The following HIVEP1 variants were observed in gnomAD, a reference collection of about 807,000 sequenced individuals.
The protein encoded by HIVEP1 is zinc finger protein 40.
HIVEP1 carries 36 observed loss-of-function variants against 180.0 expected under a neutral mutation model. The observed-to-expected ratio is 0.20, with a 90% confidence interval of 0.15 to 0.26. The LOEUF is 0.26. Ranked by LOEUF, HIVEP1 falls within the 10% of genes least tolerant of loss-of-function variation. HIVEP1 has a pLI of 1.00. For missense variants in HIVEP1, 3,143 were observed against 3,268.7 expected (o/e 0.96, Z 0.94); for synonymous variants, 1,239 against 1,239.0 (o/e 1.00, Z 0.00).
chr6:12,077,987 T>G (rs550111850), intron 2 of HIVEP1, among the ~76,000 whole-genome samples: 1 of 152,362 alleles, frequency 6.6e-6, no homozygotes, highest in African/African-American at 2.4e-5. Flanking sequence ...CTTGCTGTTG[T>G]ATTTCCCCCA....
chr6:12,100,077 G>A (rs1655830818), intron 3 of HIVEP1, among the ~76,000 whole-genome samples: 1 of 152,186 alleles, frequency 6.6e-6, no homozygotes, highest in African/African-American at 2.4e-5. Flanking sequence ...CCTGGTGGGA[G>A]GTTGTGATAG....
chr6:12,046,876 T>TGTGTGTGTGTGTGTGTGTGTGTG (rs1561885761), intron 2 of HIVEP1, among the ~76,000 whole-genome samples: 8 of 150,920 alleles, frequency 5.3e-5, no homozygotes, highest in East Asian at 2.0e-4. Context: ...TGTGTGTGTG[T>TGTGTGTGTGTGTGTGTGTGTGTG]TTGAGATGGA....
At chr6:12,090,529 C>T (rs534067490) in intron 3 of HIVEP1, among the ~76,000 whole-genome samples, 1 of 151,974 alleles carries the variant, frequency 6.6e-6, no homozygotes, top group South Asian at 2.1e-4. Flanking sequence ...CCTCACCCCA[C>T]GCTCCTTCCA....
chr6:12,167,491 A>C (rs1451295480), downstream of HIVEP1, among the ~76,000 whole-genome samples: 1 of 148,904 alleles, frequency 6.7e-6, no homozygotes, highest in Non-Finnish European at 1.5e-5. Flanking sequence ...TAAAATTCTA[A>C]ATTTCCTACT....
intron 2 of HIVEP1, chr6:12,020,357 G>A (rs986974823): frequency 2.1e-6 from 1 of 471,198 alleles, no homozygotes; most frequent in Non-Finnish European, 4.4e-6. Flanking sequence ...TTAGCATGTT[G>A]TCCTGGGTTC....
chr6:12,123,435 C>G lies in HIVEP1; in HGVS notation c.3640C>G (p.Pro1214Ala), dbSNP rs1218956313. 13 of 1,614,152 alleles carry G rather than the reference C, an allele frequency of 8.1e-6. No homozygotes were observed. Among genetic ancestry groups the G allele is most frequent in the Non-Finnish European group, 1.1e-5 (13 of 1,180,020 alleles). The change falls in exon 4 of 9, where the codon CCA (proline) becomes GCA (alanine). Residue 1214 changes from proline to alanine, a missense_variant. By Grantham distance (27) the Pro-to-Ala change is conservative. Transcript: ENST00000379388. ...ACTTCAGGAAAGCTCCAGAAAGAGT[C>G]CAAGTGAACGACATGTGTTAGGACA... Reference protein sequence around the residue: ...GELQESSRKSPSERHVLGQPS... With the variant: ...GELQESSRKSASERHVLGQPS...
intron 2 of HIVEP1, among the ~76,000 whole-genome samples, chr6:12,022,263 C>T (rs1438451764): frequency 2.0e-5 from 3 of 151,998 alleles, no homozygotes; most frequent in African/African-American, 4.8e-5. Context: ...CTCCACTCTC[C>T]AGGTTCAAAT....
At chr6:12,204,055 C>T in the HIVEP1 span, among the ~76,000 whole-genome samples, 3 of 150,034 alleles carry the variant, frequency 2.0e-5, no homozygotes, top group East Asian at 2.0e-4. Context: ...CCAGCCTGGG[C>T]AACAGAGTGA....
intron 3 of HIVEP1, among the ~76,000 whole-genome samples, chr6:12,110,565 C>T (rs1039129298): frequency 6.6e-6 from 1 of 152,246 alleles, no homozygotes; most frequent in Admixed American, 6.5e-5. Context: ...CTTTCTTCTG[C>T]AGCTTCCTCA....
At chr6:12,209,394 C>G in the HIVEP1 span, among the ~76,000 whole-genome samples, 1 of 152,200 alleles carries the variant, frequency 6.6e-6, no homozygotes, top group African/African-American at 2.4e-5. Context: ...GATAGCACCG[C>G]TGCACTCCAG....
chr6:12,108,751 G>A (rs180772876), intron 3 of HIVEP1, among the ~76,000 whole-genome samples: 1,652 of 152,270 alleles, frequency 0.011, 35 homozygotes, highest in African/African-American at 0.038. Context: ...GCGCACCCCC[G>A]GTTCCCGCTC....
intron 1 of HIVEP1, among the ~76,000 whole-genome samples, chr6:12,014,158 G>C (rs1410038793): frequency 6.6e-6 from 1 of 152,158 alleles, no homozygotes; most frequent in African/African-American, 2.4e-5. Flanking sequence ...CTTCAGAGAG[G>C]TTAAGTAACC....
At chr6:12,159,557 T>A (rs574867625) in intron 7 of HIVEP1, among the ~76,000 whole-genome samples, 125 of 152,284 alleles carry the variant, frequency 8.2e-4, no homozygotes, top group African/African-American at 2.8e-3. Flanking sequence ...GCAGGGTCCT[T>A]GTCTTTTATA....
chr6:12,211,493 ACACACACC>A, the HIVEP1 span, among the ~76,000 whole-genome samples: 66,436 of 136,594 alleles, frequency 0.49, 15,414 homozygotes, highest in East Asian at 0.68. Flanking sequence ...ATATACACAC[ACACACACC>A]CACACAACAT....
Position 12,091,301 on chromosome 6 carries a change from C to T in HIVEP1, c.94+2064C>T, listed in dbSNP as rs1033814397. ...GATCTCTTTTTCATTGTTTTTCTGACGTACTTTGGGTTTTTTCACCCTGTA... is the reference window on the plus strand; with the variant it reads ...GATCTCTTTTTCATTGTTTTTCTGATGTACTTTGGGTTTTTTCACCCTGTA... On this transcript the variant is annotated intron_variant, in intron 3 of 8. Coordinates refer to ENST00000379388, the MANE Select transcript of HIVEP1 (RefSeq NM_002114.4). Among the ~76,000 whole-genome samples the T allele has an allele frequency of 5.3e-4, 80 of 151,858 alleles. 2 individuals are homozygous for T. The highest frequency in any genetic ancestry group is 4.7e-3 in the Admixed American group (71 of 15,232).
Position 12,122,254 on chromosome 6 carries a change from C to T in HIVEP1, c.2459C>T (p.Ser820Leu), listed in dbSNP as rs772916204. The T allele has an allele frequency of 3.1e-6, 5 of 1,614,198 alleles. No individual in the cohort carries two copies. Among genetic ancestry groups the T allele is most frequent in the Non-Finnish European group, 4.2e-6 (5 of 1,180,014 alleles). The change falls in exon 4 of 9, where the codon TCA becomes TTA. Residue 820 changes from serine (S) to leucine (L), a missense_variant. Physicochemically the swap from Ser to Leu is moderately radical, Grantham distance 145. Transcript: ENST00000379388. Reference sequence around the variant, plus strand: ...TCACCTTTCACCCCTACTGAAAAATCAAAGCAAGTGTTTCTTCTGTCTGTA... The same window carrying T: ...TCACCTTTCACCCCTACTGAAAAATTAAAGCAAGTGTTTCTTCTGTCTGTA... ...PKSPFTPTEK[S>L]KQVFLLSVPS...
intron 4 of HIVEP1, 90 bp from the exon 5 acceptor site, chr6:12,129,669 G>A: frequency 7.6e-6 from 8 of 1,054,934 alleles, no homozygotes; most frequent in Non-Finnish European, 1.0e-5. Context: ...CATATGCTCT[G>A]TACTCTGCCA....
chr6:12,164,349 C>T lies in HIVEP1; in HGVS notation c.8045C>T (p.Ser2682Phe). ...AAGCCCTCAGGCCAGCAGACTCTCTCTCCAGACAGACAGGTTCCCAGGCCC... is the reference window on the plus strand; with the variant it reads ...AAGCCCTCAGGCCAGCAGACTCTCTTTCCAGACAGACAGGTTCCCAGGCCC... Reference protein sequence around the residue: ...FTKPSGQQTLSPDRQVPRPTA... With the variant: ...FTKPSGQQTLFPDRQVPRPTA... The change falls in exon 9 of 9, where the codon TCT becomes TTT. Residue 2682 changes from serine to phenylalanine, a missense_variant. Physicochemically the swap from Ser to Phe is radical, Grantham distance 155. Transcript: ENST00000379388. 1.2e-6 allele frequency: 2 copies of T among 1,614,106 alleles called. No individual in the cohort carries two copies. The highest frequency in any genetic ancestry group is 1.7e-6 in the Non-Finnish European group (2 of 1,180,026).
At chr6:12,029,619 A>G (rs1181210915) in intron 2 of HIVEP1, among the ~76,000 whole-genome samples, 1 of 151,948 alleles carries the variant, frequency 6.6e-6, no homozygotes, top group African/African-American at 2.4e-5. Context: ...TGCCCTAGAG[A>G]TTATAATATG....
Sources: gnomAD v4.1 joint callset for allele counts (sites outside exome capture counted in the v4.1 genomes callset) on GRCh38, gnomAD v4.1.1 for gene constraint, MANE v1.5 for transcripts, NCBI Gene and HGNC (gene_info 2026-07-23, HGNC 2026-07-21) for gene names.